Variants in PVR observed in about 807,000 individuals in gnomAD.
PVR encodes the protein PVR cell adhesion molecule.
Under a neutral mutation model 43.3 loss-of-function variants are expected in PVR, and 39 were observed. That is an observed-to-expected ratio of 0.90 (90% CI 0.70 to 1.18). The LOEUF is 1.18. Ranked by LOEUF, PVR falls within the 50% of genes most tolerant of loss-of-function variation. The pLI is 0.00. For missense variants in PVR, 480 were observed against 549.7 expected, an observed-to-expected ratio of 0.87 and a Z score of 1.27; for synonymous variants, 224 against 233.2, an observed-to-expected ratio of 0.96 and a Z score of 0.36.
intron 6 of PVR, among the ~76,000 whole-genome samples, chr19:44,661,065 A>G (rs1650175576): frequency 6.6e-6 from 1 of 152,196 alleles, no homozygotes; most frequent in Admixed American, 6.5e-5. Flanking sequence ...CAGGCTCGAT[A>G]TTTATGGATA....
chr19:44,647,059 C>T (rs1300648531), intron 1 of PVR, among the ~76,000 whole-genome samples, 164 bp from the exon 2 acceptor site: 1 of 152,186 alleles, frequency 6.6e-6, no homozygotes, highest in Non-Finnish European at 1.5e-5. Context: ...CTGCCATGGC[C>T]CCAACTAGTG....
At chr19:44,645,129 ATATATT>A (rs1599756007) in intron 1 of PVR, among the ~76,000 whole-genome samples, 1 of 68,270 alleles carries the variant, frequency 1.5e-5, no homozygotes, top group Non-Finnish European at 2.5e-5. Context: ...ATATATTATA[ATATATT>A]ATATATATTA....
At chr19:44,645,387 T>G (rs1382803524) in intron 1 of PVR, among the ~76,000 whole-genome samples, 1 of 120,044 alleles carries the variant, frequency 8.3e-6, no homozygotes, top group Non-Finnish European at 1.6e-5. Context: ...ATAGATAACA[T>G]ATTTTATTAT....
chr19:44,647,418 T>A lies in PVR; in HGVS notation c.275T>A (p.Leu92Gln), dbSNP rs1973156616. 1.7e-5 allele frequency: 28 copies of A among 1,614,060 alleles called. No individual in the cohort carries two copies. The highest frequency in any genetic ancestry group is 2.4e-5 in the Non-Finnish European group (28 of 1,180,002). Residue 92 changes from leucine (L) to glutamine (Q), a missense_variant, in exon 2 of 8, where the codon CTG becomes CAG. By Grantham distance (113) the Leu-to-Gln change is moderately radical. Coordinates refer to ENST00000425690, the MANE Select transcript of PVR (RefSeq NM_006505.5). ...QGPSYSESKR[L>Q]EFVAARLGAE... The stretch of plus-strand genomic sequence containing the variant: ...CCCAGCTATTCGGAGTCCAAACGGC[T>A]GGAATTCGTGGCAGCCAGACTGGGC...
chr19:44,656,609 C>T (rs1973453244), intron 4 of PVR, among the ~76,000 whole-genome samples: 1 of 152,124 alleles, frequency 6.6e-6, no homozygotes, highest in African/African-American at 2.4e-5. Flanking sequence ...GTGAAAGAAA[C>T]AAGAAGCAAG....
At chr19:44,644,994 A>G (rs1218968375) in intron 1 of PVR, among the ~76,000 whole-genome samples, 1 of 116,514 alleles carries the variant, frequency 8.6e-6, no homozygotes, top group Non-Finnish European at 1.7e-5. Flanking sequence ...ATATTATAGT[A>G]ATATATAATA....
At chr19:44,657,618 A>G in intron 4 of PVR, 144 bp from the exon 5 acceptor site, 2 of 711,610 alleles carry the variant, frequency 2.8e-6, no homozygotes, top group Non-Finnish European at 4.6e-6. Context: ...CATGAGAGGA[A>G]GGGAAGAGTT....
At chr19:44,645,118 A>AATAAAATATATAAT (rs1973052397) in intron 1 of PVR, among the ~76,000 whole-genome samples, 3 of 82,484 alleles carry the variant, frequency 3.6e-5, no homozygotes, top group African/African-American at 1.2e-4. Flanking sequence ...AGTAATATAT[A>AATAAAATATATAAT]ATATATTATA....
rs1973679433 is a variant in PVR at position 44,665,140 on chromosome 19, C to G, written c.*3329C>G. 6.6e-6 allele frequency: 1 copy of G among 151,520 alleles called. No homozygotes were observed. Among genetic ancestry groups the G allele is most frequent in the African/African-American group, 2.4e-5 (1 of 41,376 alleles). The allele number at this position is 151,520 out of a possible 1,614,324, so 9.4% of individuals were successfully genotyped here. The stretch of plus-strand genomic sequence containing the variant: ...TAAGGTTAAGAAAACCGCAACTATC[C>G]TTATCAGAGACTTGGCGGGGGGCAG... On this transcript the variant is annotated 3_prime_UTR_variant, in exon 8 of 8. Transcript: ENST00000425690.
chr19:44,659,399 C>T (rs10405025), intron 6 of PVR, among the ~76,000 whole-genome samples: 13,322 of 152,222 alleles, frequency 0.088, 1,910 homozygotes, highest in African/African-American at 0.3. Context: ...ATCAGAGGAA[C>T]GATGCTTTGC....
In PVR at chr19:44,664,437, T is replaced by C. The variant is rs1298201710; in HGVS notation, c.*2626T>C. The C allele has an allele frequency of 6.6e-6, 1 of 152,226 alleles. No homozygotes were observed. The highest frequency in any genetic ancestry group is 1.5e-5 in the Non-Finnish European group (1 of 68,072). 9.4% of individuals were successfully genotyped at this position (152,226 alleles called of 1,614,324 possible). On this transcript the variant is annotated 3_prime_UTR_variant, in exon 8 of 8. Transcript: ENST00000425690. ...TATGTTGCCTAGGCTGGGCTGGAAC[T>C]CCTGGGCTCAAGTGCTCCTCCTGCC...
At chr19:44,659,673 C>T (rs1472121582) in intron 6 of PVR, among the ~76,000 whole-genome samples, 2 of 151,896 alleles carry the variant, frequency 1.3e-5, no homozygotes, top group South Asian at 2.1e-4. Flanking sequence ...GGAGAGACAG[C>T]GTTTCGCCAT....
intron 6 of PVR, among the ~76,000 whole-genome samples, chr19:44,660,835 T>G (rs756937470): frequency 5.9e-5 from 9 of 152,136 alleles, no homozygotes; most frequent in Non-Finnish European, 1.3e-4. Flanking sequence ...AGAGCAGGCA[T>G]TTTTATCTGT....
chr19:44,655,177 T>C (rs1199566268), intron 4 of PVR, among the ~76,000 whole-genome samples: 1 of 152,132 alleles, frequency 6.6e-6, no homozygotes, highest in Non-Finnish European at 1.5e-5. Context: ...TGGACCTCCC[T>C]GGGCTCAGGT....
chr19:44,647,268 G>A lies in PVR; in HGVS notation c.125G>A (p.Gly42Asp), dbSNP rs1416066214. 1 of 1,558,530 alleles carries A rather than the reference G, an allele frequency of 6.4e-7. No individual in the cohort carries two copies. Among genetic ancestry groups the A allele is most frequent in the Non-Finnish European group, 8.7e-7 (1 of 1,150,352 alleles). The change falls in exon 2 of 8, where the codon GGC becomes GAC. Residue 42 changes from glycine (G) to aspartate (D), a missense_variant. Gly to Asp is a moderately conservative substitution (Grantham distance 94, BLOSUM62 -1). Transcript: ENST00000425690. ...CCCACCCAGGTGCCCGGCTTCTTGG[G>A]CGACTCCGTGACGCTGCCCTGCTAC... is the stretch of plus-strand genomic sequence containing the variant. ...QAPTQVPGFL[G>D]DSVTLPCYLQ...
intron 5 of PVR, 109 bp from the exon 6 acceptor site, chr19:44,658,633 T>G (rs575224099): frequency 1.0e-6 from 1 of 958,438 alleles, no homozygotes; most frequent in African/African-American, 1.6e-5. Flanking sequence ...TTAAATAGAC[T>G]GAGGCAGTGG....
At chr19:44,645,019 ATATTATAGT>A (rs1973041229) in intron 1 of PVR, among the ~76,000 whole-genome samples, 2 of 112,798 alleles carry the variant, frequency 1.8e-5, no homozygotes, top group East Asian at 4.7e-4. Context: ...TATATAATAT[ATATTATAGT>A]AATATATAAT....
At position 44,662,247 on chromosome 19, in the gene PVR, T is replaced by TACACGCCACCA; in HGVS notation, c.*436_*437insACACGCCACCA. On this transcript the variant is annotated 3_prime_UTR_variant, in exon 8 of 8. Transcript: ENST00000425690. Reference sequence around the variant, plus strand: ...CAACCAGAGCAGCTCACTCGAGATCTTTGTGTCCAGAGTTTTTTGTTTGTC... The same window carrying TACACGCCACCA: ...CAACCAGAGCAGCTCACTCGAGATCTACACGCCACCATTGTGTCCAGAGTTTTTTGTTTGTC... The TACACGCCACCA allele has an allele frequency of 5.7e-6, 1 of 175,870 alleles. No individual in the cohort carries two copies. Among genetic ancestry groups the TACACGCCACCA allele is most frequent in the South Asian group, 1.4e-4 (1 of 7,108 alleles). 10.9% of individuals were successfully genotyped at this position (175,870 alleles called of 1,614,324 possible).
intron 3 of PVR, among the ~76,000 whole-genome samples, chr19:44,651,734 G>A (rs1386943722): frequency 6.6e-6 from 1 of 152,118 alleles, no homozygotes; most frequent in African/African-American, 2.4e-5. Context: ...TGGCATCATC[G>A]ACATTGACAC....
Sources: allele counts gnomAD v4.1 joint callset (sites outside exome capture counted in the v4.1 genomes callset), GRCh38; gene constraint gnomAD v4.1.1; transcripts MANE v1.5; gene names NCBI Gene and HGNC (gene_info 2026-07-23, HGNC 2026-07-21).